CCDC171: variants seen among roughly 807,000 people sequenced by gnomAD.
The protein encoded by CCDC171 is coiled-coil domain-containing protein 171.
Under a neutral mutation model 168.2 loss-of-function variants are expected in CCDC171, and 177 were observed. The ratio of observed to expected loss-of-function variants is 1.05; its 90% confidence interval spans 0.93 to 1.19. The LOEUF (loss-of-function observed/expected upper bound fraction) is 1.19. CCDC171 is among the 50% of genes most tolerant of loss of function. The probability of loss-of-function intolerance (pLI) is 0.00; values close to 1 mark genes in which losing one functional copy is unlikely to be tolerated. For synonymous variants in CCDC171, 687 were observed against 540.8 expected (o/e 1.27, Z -3.75); for missense variants, 1,991 against 1,539.0 (o/e 1.29, Z -4.91).
At position 15,888,949 on chromosome 9, in the gene CCDC171, C is replaced by CTTTTTTTTTTTTTTTT. The variant is rs371508341; in HGVS notation, c.3600+14297_3600+14312dup. 13 of 73,344 alleles carry CTTTTTTTTTTTTTTTT rather than the reference C, an allele frequency of 1.8e-4. 2 individuals carry two copies. Among genetic ancestry groups the CTTTTTTTTTTTTTTTT allele is most frequent in the East Asian group, 9.6e-4 (2 of 2,084 alleles). 4.5% of individuals were successfully genotyped at this position (73,344 alleles called of 1,614,324 possible). A position where few individuals can be genotyped will look rare whatever the true frequency, so the allele number is the denominator to read the frequency against. On this transcript the variant is annotated intron_variant, in intron 24 of 25. Transcript: ENST00000380701. ...ATGGTATATGCCTCATTTTTCTTTT[C>CTTTTTTTTTTTTTTTT]TTTTTTTTTTTTTTTTTTTTTTTTT...
chr9:15,564,027 C>A lies in CCDC171; in HGVS notation c.-62C>A. ...CACAGACATCTTGGGCAATTTTAAT[C>A]ATCAAGAAAGAAATATGTCATTAAG... On this transcript the variant is annotated 5_prime_UTR_variant, in exon 2 of 26. Coordinates refer to ENST00000380701, the MANE Select transcript of CCDC171 (RefSeq NM_173550.4). 2.2e-6 allele frequency: 3 copies of A among 1,342,208 alleles called. No homozygotes were observed. Among genetic ancestry groups the A allele is most frequent in the South Asian group, 2.5e-5 (2 of 81,462 alleles). 83.1% of individuals were successfully genotyped at this position (1,342,208 alleles called of 1,614,324 possible).
chr9:15,890,192 A>T (rs914434584), intron 24 of CCDC171, among the ~76,000 whole-genome samples: 2 of 151,814 alleles, frequency 1.3e-5, no homozygotes, highest in African/African-American at 2.4e-5. Flanking sequence ...GAAAGAGAGA[A>T]TGTGAAATTT....
intron 25 of CCDC171, among the ~76,000 whole-genome samples, chr9:15,953,606 A>G (rs879767640): frequency 2.0e-5 from 3 of 152,090 alleles, no homozygotes; most frequent in Non-Finnish European, 4.4e-5. Flanking sequence ...TTTTGGGTCT[A>G]TATTCACTGG....
At chr9:15,655,180 A>G (rs200754508) in intron 7 of CCDC171, among the ~76,000 whole-genome samples, 5 of 868 alleles carry the variant, frequency 5.8e-3, no homozygotes, top group Non-Finnish European at 0.017. Flanking sequence ...CTTAAAGTAT[A>G]AAAAAAAAAA....
chr9:15,755,982 G>A (rs2134970499), intron 18 of CCDC171, among the ~76,000 whole-genome samples: 1 of 152,312 alleles, frequency 6.6e-6, no homozygotes, highest in Non-Finnish European at 1.5e-5. Flanking sequence ...AGCTGTTACA[G>A]ATGTGAAGAG....
At chr9:15,663,072 G>C (rs2048449807) in intron 8 of CCDC171, among the ~76,000 whole-genome samples, 1 of 152,222 alleles carries the variant, frequency 6.6e-6, no homozygotes, top group South Asian at 2.1e-4. Context: ...AGATAGTCTA[G>C]TTGACATTAT....
chr9:16,044,885 T>G (rs918551355), intron 1 of CCDC171, among the ~76,000 whole-genome samples: 15 of 152,266 alleles, frequency 9.9e-5, no homozygotes, highest in African/African-American at 3.6e-4. Flanking sequence ...TGTTGCCAAT[T>G]TGCCCCACTC....
At chr9:16,031,868 G>A (rs1311747093) in intron 6 of CCDC171, among the ~76,000 whole-genome samples, 2 of 152,216 alleles carry the variant, frequency 1.3e-5, no homozygotes, top group Admixed American at 1.3e-4. Flanking sequence ...TCTGTGGGAT[G>A]TGGCAGCCCC....
chr9:15,948,202 C>A (rs1339951462), intron 25 of CCDC171, among the ~76,000 whole-genome samples: 1 of 151,190 alleles, frequency 6.6e-6, no homozygotes, highest in African/African-American at 2.4e-5. Context: ...ATATGTGCCA[C>A]ATTTTCTTAA....
intron 11 of CCDC171, among the ~76,000 whole-genome samples, chr9:15,719,393 G>A (rs2053307074): frequency 1.9e-5 from 2 of 106,984 alleles, no homozygotes; most frequent in South Asian, 9.5e-4. Flanking sequence ...GGCTGGCGGG[G>A]GGGTGGGGGG....
At chr9:15,880,131 T>C (rs1452707909) in intron 24 of CCDC171, among the ~76,000 whole-genome samples, 1 of 152,182 alleles carries the variant, frequency 6.6e-6, no homozygotes, top group African/African-American at 2.4e-5. Context: ...GTAAAGAGGA[T>C]ACATTTTGTG....
chr9:15,812,083 A>T (rs2059380690), intron 21 of CCDC171, among the ~76,000 whole-genome samples: 1 of 152,186 alleles, frequency 6.6e-6, no homozygotes, highest in Admixed American at 6.5e-5. Flanking sequence ...ACAAGGTATT[A>T]AAAAAAGAGA....
intron 24 of CCDC171, among the ~76,000 whole-genome samples, chr9:15,891,720 G>A (rs1820241446): frequency 6.6e-6 from 1 of 152,130 alleles, no homozygotes; most frequent in Non-Finnish European, 1.5e-5. Flanking sequence ...GTAATCAAGT[G>A]GAATAAGTAT....
chr9:15,864,883 G>A (rs1478302824), intron 23 of CCDC171, among the ~76,000 whole-genome samples: 1 of 152,050 alleles, frequency 6.6e-6, no homozygotes, highest in Non-Finnish European at 1.5e-5. Context: ...TGTTGGATGA[G>A]TAGAATGGCT....
the CCDC171 span, among the ~76,000 whole-genome samples, chr9:16,105,562 A>C: frequency 6.6e-6 from 1 of 152,176 alleles, no homozygotes; most frequent in Non-Finnish European, 1.5e-5. Flanking sequence ...GGATGGATTT[A>C]CGGTAATGAA....
intron 24 of CCDC171, among the ~76,000 whole-genome samples, chr9:15,915,072 A>T (rs559608741): frequency 6.7e-6 from 1 of 148,908 alleles, no homozygotes; most frequent in African/African-American, 2.5e-5. Flanking sequence ...GGAGCTGCAG[A>T]CTGGAGCTGT....
chr9:16,016,473 G>A (rs1833021299), intron 3 of CCDC171, among the ~76,000 whole-genome samples: 1 of 152,182 alleles, frequency 6.6e-6, no homozygotes, highest in African/African-American at 2.4e-5. Flanking sequence ...GGCCAGAGCT[G>A]CTGACAACTC....
At chr9:15,654,001 T>C (rs567854246) in intron 7 of CCDC171, among the ~76,000 whole-genome samples, 2 of 152,344 alleles carry the variant, frequency 1.3e-5, no homozygotes, top group Non-Finnish European at 2.9e-5. Flanking sequence ...CCTCATTTCT[T>C]GGTTTTCAGA....
At chr9:15,752,513 A>T (rs1054693721) in intron 18 of CCDC171, among the ~76,000 whole-genome samples, 4 of 152,188 alleles carry the variant, frequency 2.6e-5, no homozygotes, top group African/African-American at 7.2e-5. Flanking sequence ...TCAATAATAG[A>T]CTGGATAAAG....
Sources: gnomAD v4.1 joint callset for allele counts (sites outside exome capture counted in the v4.1 genomes callset) on GRCh38, gnomAD v4.1.1 for gene constraint, MANE v1.5 for transcripts, NCBI Gene and HGNC (gene_info 2026-07-23, HGNC 2026-07-21) for gene names.